VWA8: variants seen among roughly 807,000 people sequenced by gnomAD.
The protein encoded by VWA8 is von Willebrand factor A domain containing 8, also known as von Willebrand factor A domain-containing protein 8.
VWA8 carries 221 observed loss-of-function variants against 241.5 expected under a neutral mutation model. The observed-to-expected ratio is 0.91, with a 90% CI of 0.82 to 1.02. VWA8 has a LOEUF of 1.02. Among genes scored for constraint, VWA8 ranks in the 50% least tolerant of loss-of-function variants. VWA8 has a pLI of 0.00. For synonymous variants in VWA8, 852 were observed against 827.1 expected (o/e 1.03, Z -0.52); for missense variants, 2,322 against 2,328.7 (o/e 1.00, Z 0.06).
At chr13:41,685,377 T>A in intron 34 of VWA8, 135 bp from the exon 35 acceptor site, 1 of 862,806 alleles carries the variant, frequency 1.2e-6, no homozygotes, top group Non-Finnish European at 1.7e-6. Context: ...AATTATTGGC[T>A]GGGTACAGTG....
At chr13:41,909,719 C>T (rs984509001) in intron 3 of VWA8, among the ~76,000 whole-genome samples, 6 of 152,102 alleles carry the variant, frequency 3.9e-5, no homozygotes, top group African/African-American at 1.4e-4. Context: ...CTTCATTGGC[C>T]GTGACAAGCA....
chr13:41,790,019 A>C (rs1265502185), intron 17 of VWA8, among the ~76,000 whole-genome samples: 1 of 152,180 alleles, frequency 6.6e-6, no homozygotes, highest in Non-Finnish European at 1.5e-5. Flanking sequence ...CAAATGTTTG[A>C]AGGTATTTTA....
chr13:41,641,506 C>T (rs764551558), intron 37 of VWA8, among the ~76,000 whole-genome samples: 2 of 151,774 alleles, frequency 1.3e-5, no homozygotes, highest in Non-Finnish European at 2.9e-5. Flanking sequence ...TAGGGTCATA[C>T]ATAGTATGTC....
intron 20 of VWA8, among the ~76,000 whole-genome samples, chr13:41,774,845 TACTC>T (rs1307278778): frequency 7.9e-5 from 12 of 152,222 alleles, no homozygotes; most frequent in East Asian, 1.9e-4. Context: ...CATATCAATT[TACTC>T]ACTAACAATT....
rs61137074 is a variant in VWA8, at chr13:41,730,178, A to C, written c.2503-501T>G. ...GTAGTTACTCAAGACAAAGAGAATC[A>C]ATGGTCAAACTCAAGAAATCCTGGG... On this transcript the variant is annotated intron_variant, in intron 22 of 44. Transcript: ENST00000379310. Among the ~76,000 whole-genome samples the C allele has an allele frequency of 9.3e-3, 1,409 of 152,274 alleles. 32 individuals are homozygous for C. Among genetic ancestry groups the C allele is most frequent in the African/African-American group, 0.03 (1,265 of 41,558 alleles).
chr13:41,772,133 G>A (rs1027259000), intron 20 of VWA8, among the ~76,000 whole-genome samples: 2 of 151,896 alleles, frequency 1.3e-5, no homozygotes, highest in African/African-American at 4.8e-5. Context: ...CAGGTGATCC[G>A]CCCGCCTCGG....
intron 37 of VWA8, among the ~76,000 whole-genome samples, chr13:41,644,133 T>G (rs1327179333): frequency 1.3e-5 from 2 of 152,082 alleles, no homozygotes; most frequent in African/African-American, 4.8e-5. Context: ...TTTTTTTAAT[T>G]GTGCCATTAT....
chr13:41,766,829 T>C (rs2045781962), intron 20 of VWA8, among the ~76,000 whole-genome samples: 1 of 152,172 alleles, frequency 6.6e-6, no homozygotes, highest in African/African-American at 2.4e-5. Flanking sequence ...GCTTGCTCCT[T>C]GAGGCCAGGA....
chr13:41,943,293 TTCTACAGATATCAC>T (rs1350322263), intron 2 of VWA8, among the ~76,000 whole-genome samples: 1 of 152,190 alleles, frequency 6.6e-6, no homozygotes, highest in Admixed American at 6.5e-5. Flanking sequence ...TCACTATAGA[TTCTACAGATATCAC>T]TAATCACTAC....
chr13:41,764,478 G>T (rs1464381881), intron 20 of VWA8, among the ~76,000 whole-genome samples: 1 of 152,144 alleles, frequency 6.6e-6, no homozygotes, highest in African/African-American at 2.4e-5. Flanking sequence ...TTATAGTCTA[G>T]TAGGGAACAC....
intron 2 of VWA8, among the ~76,000 whole-genome samples, chr13:41,934,893 T>C (rs559815119): frequency 6.6e-6 from 1 of 152,052 alleles, no homozygotes; most frequent in East Asian, 1.9e-4. Flanking sequence ...GTGCAGTGTA[T>C]TGCATGTCAG....
At chr13:41,603,969 G>A (rs1166253599) in intron 40 of VWA8, among the ~76,000 whole-genome samples, 1 of 152,120 alleles carries the variant, frequency 6.6e-6, no homozygotes, top group Non-Finnish European at 1.5e-5. Context: ...CTTCTTTGAA[G>A]GCAGAAGATG....
intron 17 of VWA8, 95 bp downstream of exon 17, chr13:41,811,130 T>G (rs1042774144): frequency 2.8e-6 from 3 of 1,055,126 alleles, no homozygotes; most frequent in African/African-American, 1.6e-5. Context: ...CCAATATATT[T>G]TGAAGAATTG....
chr13:41,763,901 G>A (rs1057300005), intron 20 of VWA8, among the ~76,000 whole-genome samples: 4 of 152,134 alleles, frequency 2.6e-5, no homozygotes, highest in African/African-American at 7.2e-5. Context: ...TGGAGTCCCA[G>A]CTGCCACTAA....
At chr13:41,696,229 T>A (rs2045215051) in intron 29 of VWA8, 1 of 152,136 alleles carries the variant, frequency 6.6e-6, no homozygotes, top group African/African-American at 2.4e-5. Flanking sequence ...AAAGTAAAAG[T>A]AAAAATAAAA....
In VWA8 at chr13:41,575,758, T is replaced by C; in HGVS notation, c.5352A>G (p.Gln1784=). Residue 1784 remains glutamine (Q), a synonymous_variant, in exon 43 of 45, where the codon CAA becomes CAG. Coordinates refer to ENST00000379310, the MANE Select transcript of VWA8 (RefSeq NM_015058.2). ...PMNKIPKDNK[Q]RLEILKTMHA... ...TATTTACCTTCAGAATTTCTAGTCT[T>C]TGCTTATTGTCCTTGGGGATTTTGT... The C allele has an allele frequency of 6.2e-7, 1 of 1,613,008 alleles. No individual in the cohort carries two copies. The highest frequency in any genetic ancestry group is 8.5e-7 in the Non-Finnish European group (1 of 1,179,582).
intron 20 of VWA8, among the ~76,000 whole-genome samples, chr13:41,761,811 G>C (rs2045742367): frequency 6.6e-6 from 1 of 152,030 alleles, no homozygotes; most frequent in Non-Finnish European, 1.5e-5. Context: ...CTGCTGCTGA[G>C]AGTTGCTATC....
chr13:41,894,055 G>A (rs1874983664), intron 4 of VWA8, among the ~76,000 whole-genome samples: 2 of 152,072 alleles, frequency 1.3e-5, no homozygotes, highest in Admixed American at 6.5e-5. Context: ...TTTCTTATAC[G>A]ACAGACTAAA....
At chr13:41,889,161 T>C (rs1328677263) in intron 5 of VWA8, among the ~76,000 whole-genome samples, 1 of 152,208 alleles carries the variant, frequency 6.6e-6, no homozygotes, top group Non-Finnish European at 1.5e-5. Context: ...GCTTAAGTTA[T>C]GGTGTTAGAA....
Sources: allele counts gnomAD v4.1 joint callset (sites outside exome capture counted in the v4.1 genomes callset), GRCh38; gene constraint gnomAD v4.1.1; transcripts MANE v1.5; gene names NCBI Gene and HGNC (gene_info 2026-07-23, HGNC 2026-07-21).